The following SORCS1 variants were observed in gnomAD, a reference collection of about 807,000 sequenced individuals.
SORCS1 encodes the protein VPS10 domain-containing receptor SorCS1.
In SORCS1, 60 loss-of-function variants were observed where a neutral mutation model predicts 146.1. The ratio of observed to expected loss-of-function variants is 0.41; its 90% CI spans 0.33 to 0.51. SORCS1 has a LOEUF of 0.51. Among genes scored for constraint, SORCS1 ranks in the 20% least tolerant of loss-of-function variants. The pLI is 0.21. For missense variants in SORCS1, 1,352 were observed against 1,487.6 expected, an observed-to-expected ratio of 0.91 and a Z score of 1.50; for synonymous variants, 637 against 584.0, an observed-to-expected ratio of 1.09 and a Z score of -1.31.
At chr10:106,971,608 T>C (rs1955789136) in intron 1 of SORCS1, among the ~76,000 whole-genome samples, 1 of 152,270 alleles carries the variant, frequency 6.6e-6, no homozygotes, top group Non-Finnish European at 1.5e-5. Flanking sequence ...AATTCAATGC[T>C]GTGTAACTCT....
chr10:106,923,623 C>T (rs1952833744), intron 2 of SORCS1, among the ~76,000 whole-genome samples: 1 of 152,210 alleles, frequency 6.6e-6, no homozygotes, highest in African/African-American at 2.4e-5. Flanking sequence ...GCCTCACCAG[C>T]ATTTGGTGGT....
At chr10:106,651,134 G>A (rs1246566857) in intron 18 of SORCS1, among the ~76,000 whole-genome samples, 2 of 152,150 alleles carry the variant, frequency 1.3e-5, no homozygotes, top group African/African-American at 2.4e-5. Context: ...GGAGTATGGG[G>A]TTACACAGTC....
At chr10:106,929,798 C>T (rs889666296) in intron 2 of SORCS1, among the ~76,000 whole-genome samples, 9 of 150,182 alleles carry the variant, frequency 6.0e-5, no homozygotes, top group Admixed American at 1.3e-4. Flanking sequence ...CACACACACA[C>T]GTATTAATCA....
intron 1 of SORCS1, among the ~76,000 whole-genome samples, chr10:106,987,245 A>G (rs906149489): frequency 2.0e-5 from 3 of 152,142 alleles, no homozygotes; most frequent in African/African-American, 7.2e-5. Context: ...CTTTATTTGT[A>G]AAGTGTGTTT....
In SORCS1 at chr10:106,734,252, T is replaced by C. The variant is rs936786016; in HGVS notation, c.960-4138A>G. Among the ~76,000 whole-genome samples the C allele has an allele frequency of 6.0e-4, 91 of 152,322 alleles. 1 individual carries two copies. Among genetic ancestry groups the C allele is most frequent in the African/African-American group, 2.1e-3 (86 of 41,572 alleles). On this transcript the variant is annotated intron_variant, in intron 5 of 25. Coordinates refer to ENST00000263054, the MANE Select transcript of SORCS1 (RefSeq NM_052918.5). Reference sequence around the variant, plus strand: ...ATGGAAGGGAAAGGGAGTCTTTCTGTGTACATCCTGGTGTCTGCCTGGGAT... The same window carrying C: ...ATGGAAGGGAAAGGGAGTCTTTCTGCGTACATCCTGGTGTCTGCCTGGGAT...
At chr10:106,641,094 C>T (rs756789390) in intron 18 of SORCS1, among the ~76,000 whole-genome samples, 15 of 152,234 alleles carry the variant, frequency 9.9e-5, no homozygotes, top group African/African-American at 3.6e-4. Flanking sequence ...TGAGAGTACA[C>T]TTGGAGAGAA....
At chr10:106,752,758 G>T (rs1858352828) in intron 5 of SORCS1, among the ~76,000 whole-genome samples, 1 of 152,122 alleles carries the variant, frequency 6.6e-6, no homozygotes, top group South Asian at 2.1e-4. Flanking sequence ...AGCTAAACCA[G>T]GGTAATGCTA....
At chr10:106,835,406 G>A (rs1284890641) in intron 2 of SORCS1, among the ~76,000 whole-genome samples, 1 of 152,068 alleles carries the variant, frequency 6.6e-6, no homozygotes, top group Non-Finnish European at 1.5e-5. Context: ...GATTGTTTTT[G>A]GTGTTCTTTG....
At chr10:106,643,359 C>G (rs1490142403) in intron 18 of SORCS1, among the ~76,000 whole-genome samples, 1 of 152,232 alleles carries the variant, frequency 6.6e-6, no homozygotes, top group African/African-American at 2.4e-5. Context: ...TTCAGAGACA[C>G]TCTGTGTCTC....
At chr10:106,631,375 T>C (rs973154980) in intron 18 of SORCS1, among the ~76,000 whole-genome samples, 1 of 152,250 alleles carries the variant, frequency 6.6e-6, no homozygotes, top group African/African-American at 2.4e-5. Context: ...TGACGTGTCC[T>C]TCATTTAAAC....
chr10:106,641,579 T>C (rs114317321), intron 18 of SORCS1, among the ~76,000 whole-genome samples: 1 of 152,066 alleles, frequency 6.6e-6, no homozygotes, highest in African/African-American at 2.4e-5. Flanking sequence ...ATGTTAAGAG[T>C]CTTTTAAGTT....
chr10:106,787,502 G>A (rs1162029754), intron 3 of SORCS1, among the ~76,000 whole-genome samples: 1 of 152,088 alleles, frequency 6.6e-6, no homozygotes, highest in Admixed American at 6.5e-5. Context: ...TGGCTGCATA[G>A]CTCAATTCCT....
intron 1 of SORCS1, among the ~76,000 whole-genome samples, chr10:107,023,403 GT>G (rs1958242471): frequency 6.6e-6 from 1 of 152,098 alleles, no homozygotes. Context: ...TTAACTGGTT[GT>G]ATTCATTTTA....
chr10:106,636,725 TG>T (rs966827419), intron 18 of SORCS1, among the ~76,000 whole-genome samples: 3 of 152,134 alleles, frequency 2.0e-5, no homozygotes, highest in Admixed American at 2.0e-4. Flanking sequence ...GAGATTTGGG[TG>T]GGGACACAGA....
At chr10:106,891,494 A>G (rs187327783) in intron 2 of SORCS1, among the ~76,000 whole-genome samples, 2 of 85,646 alleles carry the variant, frequency 2.3e-5, no homozygotes, top group East Asian at 7.2e-4. Flanking sequence ...CAGAAGTTTC[A>G]ATGGGAATTC....
chr10:106,957,157 TTTTTTTTG>T lies in SORCS1; in HGVS notation c.559-585_559-578del, dbSNP rs535226531. 2.1e-3 allele frequency among the ~76,000 whole-genome samples: 141 copies of T among 65,720 alleles called. 6 individuals are homozygous for T. The East Asian group carries it at 0.024, about 11-fold the overall frequency. 43.1% of individuals were successfully genotyped at this position (65,720 alleles called of 152,430 possible). A position where few individuals can be genotyped will look rare whatever the true frequency, so the allele number is the denominator to read the frequency against. ...AATTACATATCTATTAGCATGTGGT[TTTTTTTTG>T]TTTTTTTTGTTTTTTTTTTTGGAGA... is the stretch of plus-strand genomic sequence containing the variant. On this transcript the variant is annotated intron_variant, in intron 1 of 25. Coordinates refer to ENST00000263054, the MANE Select transcript of SORCS1 (RefSeq NM_052918.5).
intron 9 of SORCS1, among the ~76,000 whole-genome samples, chr10:106,694,672 CA>C (rs1329808424): frequency 6.6e-6 from 1 of 152,186 alleles, no homozygotes; most frequent in Non-Finnish European, 1.5e-5. Flanking sequence ...GCTATATTAT[CA>C]TAACCGTTGA....
At chr10:107,002,352 A>G (rs999887928) in intron 1 of SORCS1, among the ~76,000 whole-genome samples, 2 of 152,240 alleles carry the variant, frequency 1.3e-5, no homozygotes, top group African/African-American at 2.4e-5. Flanking sequence ...GAATGAGTGA[A>G]TCTTCCCAGT....
intron 1 of SORCS1, among the ~76,000 whole-genome samples, chr10:107,105,752 G>A (rs1965264295): frequency 6.7e-6 from 1 of 149,662 alleles, no homozygotes. Flanking sequence ...GCCTCTCCCA[G>A]TACACTGACT....
Sources: allele counts gnomAD v4.1 joint callset (sites outside exome capture counted in the v4.1 genomes callset), GRCh38; gene constraint gnomAD v4.1.1; transcripts MANE v1.5; gene names NCBI Gene and HGNC (gene_info 2026-07-23, HGNC 2026-07-21).